ATR: variants seen among roughly 807,000 people sequenced by gnomAD.
ATR encodes the protein serine/threonine-protein kinase ATR.
A neutral mutation model predicts 305.3 loss-of-function variants in ATR; 142 were observed. That is an observed-to-expected ratio of 0.47 (90% CI 0.41 to 0.53). ATR has a LOEUF of 0.53. ATR is among the 20% of genes least tolerant of loss of function. The pLI, the probability that ATR is intolerant of heterozygous loss-of-function variation, is 0.00. For synonymous variants in ATR, 1,050 were observed against 1,068.1 expected (o/e 0.98, Z 0.33); for missense variants, 2,135 against 3,133.1 (o/e 0.68, Z 7.60).
chr3:142,459,404 C>T, intron 42 of ATR, 21 bp from the exon 43 acceptor site: 1 of 1,613,324 alleles, frequency 6.2e-7, no homozygotes, highest in South Asian at 1.1e-5. Context: ...GAGTGATATC[C>T]ATTAATCACA....
At chr3:142,553,433 AACACACACACACAC>A in intron 12 of ATR, 35 bp from the exon 13 acceptor site, 1 of 1,404,254 alleles carries the variant, frequency 7.1e-7, no homozygotes, top group East Asian at 2.4e-5. Context: ...TGAATACACA[AACACACACACACAC>A]ACACACACAC....
At position 142,538,521 on chromosome 3, in the gene ATR, T is replaced by C. The variant is rs2108432334; in HGVS notation, c.3686A>G (p.Glu1229Gly). Reference sequence around the variant, plus strand: ...GAGGTAGTGGAAGATAGCTGCAGTTTCTTTAGGCTGGATGTGTATAAGAGG... The same window carrying C: ...GAGGTAGTGGAAGATAGCTGCAGTTCCTTTAGGCTGGATGTGTATAAGAGG... Reference protein sequence around the residue: ...LLPLIHIQPKETAAIFHYLII... With the variant: ...LLPLIHIQPKGTAAIFHYLII... Residue 1229 changes from glutamate (E) to glycine (G), a missense_variant, in exon 19 of 47, where the codon GAA (glutamate) becomes GGA (glycine). Physicochemically the swap from Glu to Gly is moderately conservative, Grantham distance 98 (BLOSUM62 -2). Coordinates refer to ENST00000350721, the MANE Select transcript of ATR (RefSeq NM_001184.4). 1 of 1,613,422 alleles carries C rather than the reference T, an allele frequency of 6.2e-7. No homozygotes were observed. The highest frequency in any genetic ancestry group is 1.7e-5 in the Admixed American group (1 of 59,974).
At chr3:142,480,094 G>A (rs1458363276) in intron 36 of ATR, among the ~76,000 whole-genome samples, 1 of 152,218 alleles carries the variant, frequency 6.6e-6, no homozygotes, top group Non-Finnish European at 1.5e-5. Context: ...ACTCGTCAAA[G>A]TCATTCTCTG....
chr3:142,519,519 C>T (rs533422426), intron 24 of ATR, 150 bp downstream of exon 24: 1 of 599,884 alleles, frequency 1.7e-6, no homozygotes, highest in Non-Finnish European at 3.0e-6. Context: ...TCAGGCTGAT[C>T]TCGAACTCCT....
chr3:142,528,761 T>C (rs2033501097), intron 21 of ATR, among the ~76,000 whole-genome samples: 1 of 149,158 alleles, frequency 6.7e-6, no homozygotes, highest in Non-Finnish European at 1.5e-5. Flanking sequence ...CAGTATACTA[T>C]AATTAGTGCT....
chr3:142,499,558 T>C, intron 31 of ATR, 69 bp downstream of exon 31: 1 of 1,438,478 alleles, frequency 7.0e-7, no homozygotes, highest in Non-Finnish European at 9.8e-7. Flanking sequence ...CCGCCCAAAG[T>C]GCTGGGATTA....
intron 30 of ATR, among the ~76,000 whole-genome samples, chr3:142,503,069 G>A (rs915528991): frequency 1.3e-5 from 2 of 152,160 alleles, no homozygotes; most frequent in African/African-American, 4.8e-5. Flanking sequence ...GAGCATAGAT[G>A]CCCTTTGAGG....
chr3:142,544,621 C>CAAAAAAAAAAAA (rs71153972), intron 16 of ATR, among the ~76,000 whole-genome samples: 1 of 83,630 alleles, frequency 1.2e-5, no homozygotes, highest in African/African-American at 4.4e-5. Context: ...AAGAAAGGAG[C>CAAAAAAAAAAAA]AAAAAAAAAA....
At chr3:142,475,093 T>TTA (rs1299830756) in intron 36 of ATR, among the ~76,000 whole-genome samples, 12 of 152,228 alleles carry the variant, frequency 7.9e-5, no homozygotes, top group South Asian at 6.2e-4. Flanking sequence ...ATGTTATGTT[T>TTA]TATATATATA....
intron 19 of ATR, 41 bp from the exon 20 acceptor site, chr3:142,536,242 T>C (rs2108427743): frequency 7.3e-7 from 1 of 1,362,796 alleles, no homozygotes; most frequent in Non-Finnish European, 1.0e-6. Flanking sequence ...TTGCCAAGAA[T>C]ATGAATACTA....
chr3:142,519,257 A>C (rs2033038437), intron 24 of ATR, among the ~76,000 whole-genome samples: 1 of 152,126 alleles, frequency 6.6e-6, no homozygotes, highest in Admixed American at 6.5e-5. Flanking sequence ...ATGAGGAGAT[A>C]CTAAAACACT....
In ATR at chr3:142,453,385, T is replaced by C. The variant is rs2070834524; in HGVS notation, c.7656-152A>G. 3.6e-6 allele frequency: 4 copies of C among 1,123,912 alleles called. No individual in the cohort carries two copies. In the South Asian group the frequency reaches 6.2e-5, roughly 17 times the overall value. The allele number at this position is 1,123,912 out of a possible 1,614,324, so 69.6% of individuals were successfully genotyped here. A position where few individuals can be genotyped will look rare whatever the true frequency, so the allele number is the denominator to read the frequency against. On this transcript the variant is annotated intron_variant, in intron 45 of 46. Transcript: ENST00000350721. ...CATTAAGTTATGTGAAATTTCTGTT[T>C]TGGTGTGAGGGGAGGGTAAGAGAAG...
At chr3:142,539,836 T>C (rs1479446829) in intron 18 of ATR, among the ~76,000 whole-genome samples, 1 of 152,128 alleles carries the variant, frequency 6.6e-6, no homozygotes, top group Non-Finnish European at 1.5e-5. Context: ...AATTAGAAAA[T>C]CATTATTTCA....
chr3:142,491,567 T>C (rs1298295733), intron 35 of ATR, among the ~76,000 whole-genome samples: 1 of 152,234 alleles, frequency 6.6e-6, no homozygotes, highest in Non-Finnish European at 1.5e-5. Flanking sequence ...ATTCAGAAGA[T>C]CTCTCTAACT....
In ATR at chr3:142,512,413, G is replaced by C. The variant is rs2108372226; in HGVS notation, c.4699C>G (p.Gln1567Glu). 6.2e-7 allele frequency: 1 copy of C among 1,613,774 alleles called. No individual in the cohort carries two copies. The highest frequency in any genetic ancestry group is 1.3e-5 in the African/African-American group (1 of 74,988). Residue 1567 changes from glutamine (Q) to glutamate (E), a missense_variant, in exon 27 of 47, where the codon CAA (glutamine) becomes GAA (glutamate). Around this residue, in one of 9 missense-constraint regions of ATR, gnomAD observed 202 missense variants for 252.9 expected, o/e 0.80. Transcript: ENST00000350721. ...KHDDQHTINT[Q>E]DIASDLCQLS... ...TGACACAGATCAGATGCAATGTCTT[G>C]GGTATTTATGGTATGCTGATCGTCA...
intron 29 of ATR, 119 bp downstream of exon 29, chr3:142,505,020 G>C: frequency 7.9e-7 from 1 of 1,258,856 alleles, no homozygotes; most frequent in Non-Finnish European, 1.1e-6. Context: ...CTCCAGCCTG[G>C]CCAACAGAGC....
intron 24 of ATR, among the ~76,000 whole-genome samples, chr3:142,519,332 C>T (rs1489621202): frequency 1.3e-5 from 2 of 150,544 alleles, no homozygotes; most frequent in Admixed American, 6.6e-5. Context: ...AACAAAGTCT[C>T]GCTCTGTCAC....
At chr3:142,458,504 A>G (rs866362340) in intron 44 of ATR, among the ~76,000 whole-genome samples, 12 of 152,150 alleles carry the variant, frequency 7.9e-5, no homozygotes, top group African/African-American at 2.7e-4. Flanking sequence ...GATGGGTCCA[A>G]TTGCCTCAAT....
intron 27 of ATR, 60 bp from the exon 28 acceptor site, chr3:142,508,169 A>G: frequency 1.5e-6 from 2 of 1,344,516 alleles, no homozygotes; most frequent in East Asian, 5.0e-5. Flanking sequence ...AAAAGTGTCA[A>G]TTTAAGTATT....
Sources: gnomAD v4.1 joint callset for allele counts (sites outside exome capture counted in the v4.1 genomes callset) on GRCh38, gnomAD v4.1.1 for gene constraint, gnomAD v4.1.1 regional missense constraint, MANE v1.5 for transcripts, NCBI Gene and HGNC (gene_info 2026-07-23, HGNC 2026-07-21) for gene names.